RAD50: variants seen among roughly 807,000 people sequenced by gnomAD.
RAD50 encodes DNA repair protein RAD50.
A neutral mutation model predicts 168.8 loss-of-function variants in RAD50; 132 were observed. The ratio of observed to expected loss-of-function variants is 0.78; its 90% CI spans 0.68 to 0.90. The LOEUF is 0.90. RAD50 is among the 40% of genes least tolerant of loss of function. RAD50 has a pLI of 0.00. For missense variants in RAD50, 1,347 were observed against 1,534.4 expected (o/e 0.88, Z 2.04); for synonymous variants, 525 against 497.4 (o/e 1.06, Z -0.74).
chr5:132,611,892 T>C (rs1482297581), intron 19 of RAD50, among the ~76,000 whole-genome samples: 1 of 152,124 alleles, frequency 6.6e-6, no homozygotes, highest in Non-Finnish European at 1.5e-5. Context: ...AGCATCATTA[T>C]TCCTTGATAC....
At chr5:132,584,893 A>C (rs930745425) in intron 5 of RAD50, among the ~76,000 whole-genome samples, 2 of 140,856 alleles carry the variant, frequency 1.4e-5, no homozygotes, top group African/African-American at 5.5e-5. Context: ...GGAATTGAAC[A>C]ATGAGAACAC....
At chr5:132,618,389 A>C (rs1409596591) in intron 21 of RAD50, 95 bp downstream of exon 21, 3 of 1,528,282 alleles carry the variant, frequency 2.0e-6, no homozygotes, top group African/African-American at 1.4e-5. Flanking sequence ...TTTCTTTTTT[A>C]TTTTTTGAGA....
Position 132,595,057 on chromosome 5 carries a change from C to T in RAD50, c.1969+13C>T, listed in dbSNP as rs1750766524. 1.3e-6 allele frequency: 2 copies of T among 1,599,976 alleles called. No individual in the cohort carries two copies. The highest frequency in any genetic ancestry group is 2.2e-5 in the East Asian group (1 of 44,778). ...TCAAAACAGCGAGGTAAGTTGTCTA[C>T]TTTATATTATCAGGATACTTTGACA... On this transcript the variant is annotated intron_variant, in intron 12 of 24. Transcript: ENST00000378823.
At chr5:132,577,987 G>A (rs1262846775) in intron 3 of RAD50, among the ~76,000 whole-genome samples, 1 of 151,638 alleles carries the variant, frequency 6.6e-6, no homozygotes, top group Non-Finnish European at 1.5e-5. Flanking sequence ...GCTAATTTTT[G>A]TACTTTTAGT....
rs545099645 is a variant in RAD50, at chr5:132,618,421, C to T, written c.3389+127C>T. The T allele has an allele frequency of 6.8e-6, 10 of 1,474,984 alleles. No individual in the cohort carries two copies. In the South Asian group the frequency reaches 1.2e-4, roughly 18 times the overall value. 91.4% of individuals were successfully genotyped at this position (1,474,984 alleles called of 1,614,324 possible). On this transcript the variant is annotated intron_variant, in intron 21 of 24. Transcript: ENST00000378823. The stretch of plus-strand genomic sequence containing the variant: ...GAGACAGAGTTTCACTCTTGTTTCC[C>T]AGGCTGGAGTGCAATGGCACGATCT...
At position 132,589,785 on chromosome 5, in the gene RAD50, T is replaced by C; in HGVS notation, c.1400T>C (p.Leu467Ser). The change falls in exon 9 of 25, where the codon TTG becomes TCG. Residue 467 changes from leucine (L) to serine (S), a missense_variant. Leu to Ser is a moderately radical substitution (Grantham distance 145). Around this residue, in one of 3 missense-constraint regions of RAD50, gnomAD observed 703 missense variants for 767.7 expected, o/e 0.92. Coordinates refer to ENST00000378823, the MANE Select transcript of RAD50 (RefSeq NM_005732.4). ...LKNVKYELQQ[L>S]EGSSDRILEL... is the part of the protein sequence containing the mutation. ...AATGTGAAGTATGAATTACAGCAGT[T>C]GGAAGGATCTTCAGACAGGATTCTT... 2 of 1,613,782 alleles carry C rather than the reference T, an allele frequency of 1.2e-6. No individual in the cohort carries two copies. The highest frequency in any genetic ancestry group is 2.2e-5 in the South Asian group (2 of 91,036).
chr5:132,560,124 A>C (rs2548984), intron 2 of RAD50, among the ~76,000 whole-genome samples: 10,705 of 152,006 alleles, frequency 0.07, 1,185 homozygotes, highest in African/African-American at 0.24. Context: ...GTGCCTCTCT[A>C]GCCGCTCCCT....
At chr5:132,606,784 C>G (rs1398096532) in intron 16 of RAD50, among the ~76,000 whole-genome samples, 4 of 152,178 alleles carry the variant, frequency 2.6e-5, no homozygotes, top group Non-Finnish European at 5.9e-5. Context: ...ATCAAGTCGG[C>G]TTTATTCCTG....
rs1751794911 is a variant in RAD50, at chr5:132,643,861, A to C, written c.*1497A>C. On this transcript the variant is annotated 3_prime_UTR_variant, in exon 25 of 25. Transcript: ENST00000378823. ...TCAGAAAATGAAAAATCTGTTGATA[A>C]ATCCATCACTATAATAAAACCGAAG... The C allele has an allele frequency of 4.3e-6, 1 of 231,800 alleles. No individual in the cohort carries two copies. Among genetic ancestry groups the C allele is most frequent in the African/African-American group, 2.2e-5 (1 of 45,268 alleles). 14.4% of individuals were successfully genotyped at this position (231,800 alleles called of 1,614,324 possible).
At position 132,603,344 on chromosome 5, in the gene RAD50, GAAAC is replaced by G. The variant is rs1750920933; in HGVS notation, c.2257_2260del (p.Lys753CysfsTer11). On this transcript the variant is annotated frameshift_variant, in exon 14 of 25. Transcript: ENST00000378823. LOFTEE classifies it high-confidence loss of function. ...AAGGAGAAGGAAATACCAGAATTAA[GAAAC>G]AAACTGCAGAATGTCAATAGAGACA... The G allele has an allele frequency of 1.9e-6, 3 of 1,613,486 alleles. No homozygotes were observed. The highest frequency in any genetic ancestry group is 2.5e-6 in the Non-Finnish European group (3 of 1,179,720).
intron 20 of RAD50, among the ~76,000 whole-genome samples, chr5:132,617,215 A>G (rs1401580702): frequency 2.0e-5 from 3 of 152,242 alleles, no homozygotes; most frequent in Non-Finnish European, 2.9e-5. Flanking sequence ...TTGATATAAA[A>G]TAATATATTC....
Position 132,587,922 on chromosome 5 carries a change from AGGTTTT to A in RAD50, c.886-1_890del. On this transcript the variant is annotated splice_acceptor_variant and coding_sequence_variant, in exon 7 of 25. Transcript: ENST00000378823. LOFTEE classifies it high-confidence loss of function. ...AAAGCTTTTTATTTTGGTGTTACAC[AGGTTTT>A]TCAAGGGACTGATGAGCAACTAAAT... 1 of 1,612,456 alleles carries A rather than the reference AGGTTTT, an allele frequency of 6.2e-7. No homozygotes were observed.
intron 11 of RAD50, among the ~76,000 whole-genome samples, 174 bp from the exon 12 acceptor site, chr5:132,594,695 G>A (rs113141212): frequency 6.6e-6 from 1 of 152,130 alleles, no homozygotes; most frequent in Admixed American, 6.5e-5. Context: ...AGTGTCCTAG[G>A]GGGAGAGTTA....
intron 1 of RAD50, 94 bp from the exon 2 acceptor site, chr5:132,559,190 C>T (rs2149831199): frequency 6.7e-6 from 8 of 1,195,936 alleles, no homozygotes; most frequent in South Asian, 1.7e-5. Flanking sequence ...TTATAGTTTC[C>T]ATGATAAATA....
chr5:132,587,953 T>C lies in RAD50; in HGVS notation c.915T>C (p.Asn305=), dbSNP rs759379314. The C allele has an allele frequency of 1.2e-5, 20 of 1,613,184 alleles. No homozygotes were observed. The East Asian group carries it at 4.2e-4, about 34-fold the overall frequency. Residue 305 remains asparagine (N), a synonymous_variant, in exon 7 of 25, where the codon AAT becomes AAC. Coordinates refer to ENST00000378823, the MANE Select transcript of RAD50 (RefSeq NM_005732.4). ...TTCAAGGGACTGATGAGCAACTAAA[T>C]GACTTATATCACAATCACCAGAGAA... ...KVFQGTDEQL[N]DLYHNHQRTV... is the part of the protein sequence containing the mutation.
chr5:132,605,129 CCA>C, intron 16 of RAD50, 130 bp downstream of exon 16: 1 of 597,472 alleles, frequency 1.7e-6, no homozygotes, highest in Non-Finnish European at 2.7e-6. Context: ...ACTGCAACCT[CCA>C]TCTCCTGGGT....
Position 132,633,987 on chromosome 5 carries a change from T to C in RAD50, c.3390-3128T>C, listed in dbSNP as rs145200915. ...GTTATAAACTAACGTTCTATATGCA[T>C]TTGGGTTTGTTTCTGGATTTTCCTT... On this transcript the variant is annotated intron_variant, in intron 21 of 24. Transcript: ENST00000378823. Among the ~76,000 whole-genome samples, 604 of 152,354 alleles carry C rather than the reference T, an allele frequency of 4.0e-3. 2 individuals carry two copies. The highest frequency in any genetic ancestry group is 0.01 in the Middle Eastern group (3 of 294).
chr5:132,626,202 T>G (rs184862781), intron 21 of RAD50, among the ~76,000 whole-genome samples: 227 of 152,312 alleles, frequency 1.5e-3, no homozygotes, highest in African/African-American at 5.4e-3. Flanking sequence ...TATCTGTTGA[T>G]GGACACTTAG....
chr5:132,601,949 G>A (rs1051767579), intron 13 of RAD50, among the ~76,000 whole-genome samples: 5 of 152,062 alleles, frequency 3.3e-5, no homozygotes, highest in African/African-American at 1.2e-4. Context: ...GACACAGGGA[G>A]GGGAACATCA....
Sources: gnomAD v4.1 joint callset for allele counts (sites outside exome capture counted in the v4.1 genomes callset) on GRCh38, gnomAD v4.1.1 for gene constraint, gnomAD v4.1.1 regional missense constraint, MANE v1.5 for transcripts, NCBI Gene and HGNC (gene_info 2026-07-23, HGNC 2026-07-21) for gene names.